CCDC73: variants seen among roughly 807,000 people sequenced by gnomAD.
CCDC73 encodes the protein coiled-coil domain containing 73.
In CCDC73, 95 loss-of-function variants were observed where a neutral mutation model predicts 116.5. That is an observed-to-expected ratio of 0.82 (90% CI 0.69 to 0.97). CCDC73 has a LOEUF of 0.97. CCDC73 is among the 50% of genes least tolerant of loss of function. CCDC73 has a pLI of 0.00. For missense variants in CCDC73, 1,066 were observed against 1,206.8 expected, an observed-to-expected ratio of 0.88 and a Z score of 1.73; for synonymous variants, 398 against 401.3, an observed-to-expected ratio of 0.99 and a Z score of 0.10.
the CCDC73 span, among the ~76,000 whole-genome samples, chr11:32,817,533 T>G: frequency 0.1 from 15,633 of 152,260 alleles, 854 homozygotes; most frequent in Non-Finnish European, 0.13. Context: ...TAACATTGCC[T>G]TGAACAGTCT....
chr11:32,609,946 ATT>A (rs34935006), intron 17 of CCDC73, among the ~76,000 whole-genome samples: 2 of 138,566 alleles, frequency 1.4e-5, no homozygotes, highest in Non-Finnish European at 1.5e-5. Context: ...AGCCCAGCTA[ATT>A]TTTTTTTTTT....
At chr11:32,743,117 C>T (rs909212818) in intron 2 of CCDC73, among the ~76,000 whole-genome samples, 4 of 151,990 alleles carry the variant, frequency 2.6e-5, no homozygotes, top group Non-Finnish European at 4.4e-5. Context: ...TCTTCTTGCC[C>T]AGGATTGTCT....
At chr11:32,749,107 T>C (rs751924569) in intron 2 of CCDC73, among the ~76,000 whole-genome samples, 14 of 152,200 alleles carry the variant, frequency 9.2e-5, no homozygotes, top group Non-Finnish European at 1.5e-4. Flanking sequence ...AAGTTCTCTG[T>C]TATTATCCCA....
intron 14 of CCDC73, among the ~76,000 whole-genome samples, chr11:32,634,407 T>C (rs1855660146): frequency 1.3e-5 from 2 of 152,122 alleles, no homozygotes; most frequent in Non-Finnish European, 2.9e-5. Context: ...AACCCAATCA[T>C]CTTAATAGAC....
chr11:32,687,388 A>G (rs1157157772), intron 6 of CCDC73, among the ~76,000 whole-genome samples: 1 of 152,212 alleles, frequency 6.6e-6, no homozygotes, highest in East Asian at 1.9e-4. Flanking sequence ...GAATCCAAGC[A>G]GGAAAAGGAG....
intron 12 of CCDC73, among the ~76,000 whole-genome samples, chr11:32,642,341 T>C (rs1435256639): frequency 6.6e-6 from 1 of 152,044 alleles, no homozygotes; most frequent in Non-Finnish European, 1.5e-5. Context: ...TTTCACTGCA[T>C]AAGTTTTAAT....
chr11:32,617,063 A>G (rs892411821), intron 14 of CCDC73, among the ~76,000 whole-genome samples: 6 of 152,220 alleles, frequency 3.9e-5, no homozygotes, highest in Non-Finnish European at 7.3e-5. Context: ...GATTAAGAGT[A>G]TATTTATGGA....
At chr11:32,759,309 T>C (rs151088792) in intron 2 of CCDC73, among the ~76,000 whole-genome samples, 2,200 of 150,682 alleles carry the variant, frequency 0.015, 51 homozygotes, top group African/African-American at 0.049. Context: ...GATAGCCTGC[T>C]GAAACCAACA....
chr11:32,758,664 C>T (rs965198676), intron 2 of CCDC73: 4 of 253,038 alleles, frequency 1.6e-5, no homozygotes, highest in Non-Finnish European at 3.2e-5. Context: ...AAACGCTATT[C>T]CTTTTCTAAT....
At chr11:32,768,359 T>C (rs1850462175) in intron 1 of CCDC73, among the ~76,000 whole-genome samples, 1 of 152,054 alleles carries the variant, frequency 6.6e-6, no homozygotes, top group African/African-American at 2.4e-5. Flanking sequence ...CATTAGGAGA[T>C]ATACGTAACA....
At chr11:32,685,528 A>G (rs1856190062) in intron 6 of CCDC73, among the ~76,000 whole-genome samples, 1 of 152,072 alleles carries the variant, frequency 6.6e-6, no homozygotes, top group Non-Finnish European at 1.5e-5. Flanking sequence ...AAAGAATAGC[A>G]AGGAAGTCCA....
rs139604851 is a variant in CCDC73 at position 32,677,432 on chromosome 11, GA to G, written c.430-1412del. Among the ~76,000 whole-genome samples, 540 of 152,206 alleles carry G rather than the reference GA, an allele frequency of 3.5e-3. 6 individuals carry two copies. Among genetic ancestry groups the G allele is most frequent in the African/African-American group, 0.013 (521 of 41,538 alleles). On this transcript the variant is annotated intron_variant, in intron 7 of 17. Coordinates refer to ENST00000335185, the MANE Select transcript of CCDC73 (RefSeq NM_001008391.4). ...ATTGATAGCTACTTTCTTGGAATTTGAATCTTGAGCAAAAAGACTATCTAAA... is the reference window on the plus strand; with the variant it reads ...ATTGATAGCTACTTTCTTGGAATTTGATCTTGAGCAAAAAGACTATCTAAA...
At chr11:32,785,889 T>C (rs1241390188) in intron 1 of CCDC73, among the ~76,000 whole-genome samples, 2 of 152,154 alleles carry the variant, frequency 1.3e-5, no homozygotes, top group Non-Finnish European at 2.9e-5. Flanking sequence ...CATCTATTAA[T>C]ACCAGGGATA....
intron 2 of CCDC73, among the ~76,000 whole-genome samples, chr11:32,738,488 G>A (rs563632375): frequency 1.2e-4 from 19 of 152,094 alleles, no homozygotes; most frequent in Non-Finnish European, 2.4e-4. Flanking sequence ...ACCTGTGTGC[G>A]ATTTGTATGC....
At chr11:32,716,540 T>C (rs887333063) in intron 3 of CCDC73, among the ~76,000 whole-genome samples, 2 of 152,186 alleles carry the variant, frequency 1.3e-5, no homozygotes, top group African/African-American at 4.8e-5. Flanking sequence ...ACCAAAAATA[T>C]GTTCTTGACA....
chr11:32,618,399 A>T (rs1464569602), intron 14 of CCDC73, among the ~76,000 whole-genome samples: 1 of 152,162 alleles, frequency 6.6e-6, no homozygotes, highest in Non-Finnish European at 1.5e-5. Flanking sequence ...ATACCTGGTA[A>T]TAGTTTTGCT....
At chr11:32,609,633 C>T (rs569159407) in intron 17 of CCDC73, among the ~76,000 whole-genome samples, 55 of 152,176 alleles carry the variant, frequency 3.6e-4, no homozygotes, top group South Asian at 1.2e-3. Flanking sequence ...TTCAGCAACA[C>T]TCTGCTCCTG....
At chr11:32,670,873 G>C (rs552553955) in intron 9 of CCDC73, among the ~76,000 whole-genome samples, 1 of 152,202 alleles carries the variant, frequency 6.6e-6, no homozygotes, top group African/African-American at 2.4e-5. Context: ...TAGAAAATCA[G>C]TATATGACTG....
At chr11:32,677,744 G>C (rs1257509967) in intron 7 of CCDC73, among the ~76,000 whole-genome samples, 1 of 151,474 alleles carries the variant, frequency 6.6e-6, no homozygotes, top group African/African-American at 2.4e-5. Context: ...ACAAGGTCAG[G>C]AGTTCGTGAC....
Sources: allele counts gnomAD v4.1 joint callset (sites outside exome capture counted in the v4.1 genomes callset), GRCh38; gene constraint gnomAD v4.1.1; transcripts MANE v1.5; gene names NCBI Gene and HGNC (gene_info 2026-07-23, HGNC 2026-07-21).